NHS: variants seen among roughly 807,000 people sequenced by gnomAD.
NHS encodes the protein NHS actin remodeling regulator.
A neutral mutation model predicts 72.5 loss-of-function variants in NHS; 5 were observed. That is an observed-to-expected ratio of 0.07 (90% CI 0.04 to 0.14). The LOEUF (loss-of-function observed/expected upper bound fraction) is 0.14. Among genes scored for constraint, NHS ranks in the 10% least tolerant of loss-of-function variants. The pLI, the probability that NHS is intolerant of heterozygous loss-of-function variation, is 1.00. For synonymous variants in NHS, 464 were observed against 547.7 expected (o/e 0.85, Z 2.13); for missense variants, 1,072 against 1,355.7 (o/e 0.79, Z 3.29).
intron 1 of NHS, chrX:17,557,090 TTTG>T (rs1443007949): frequency 9.8e-6 from 1 of 101,800 alleles, no homozygotes. Context: ...TACAAAGCTA[TTTG>T]TTGTTAAGGG....
At chrX:17,549,896 C>A (rs112973057) in intron 1 of NHS, among the ~76,000 whole-genome samples, 147 of 111,411 alleles carry the variant, frequency 1.3e-3, no homozygotes, top group Non-Finnish European at 2.5e-3. Flanking sequence ...GGGACTTGAA[C>A]AGGCCCCTTG....
intron 1 of NHS, among the ~76,000 whole-genome samples, chrX:17,420,162 G>A (rs2064616318): frequency 8.9e-6 from 1 of 111,923 alleles, no homozygotes; most frequent in South Asian, 3.7e-4. Flanking sequence ...CTGACTCTGA[G>A]AAATGTCATA....
chrX:17,615,163 A>ATATATACACG (rs1569294065), intron 1 of NHS, among the ~76,000 whole-genome samples: 67 of 42,382 alleles, frequency 1.6e-3, no homozygotes, highest in African/African-American at 4.4e-3. Flanking sequence ...TATATATACT[A>ATATATACACG]TATATATACG....
Position 17,680,838 on chromosome X carries a change from A to G in NHS, c.566-6904A>G, listed in dbSNP as rs760318894. Among the ~76,000 whole-genome samples the G allele has an allele frequency of 9.8e-5, 11 of 112,244 alleles. No individual in the cohort carries two copies. In the South Asian group the frequency reaches 2.6e-3, roughly 27 times the overall value. ...TGCCTAAAGGAATTTTCTTAAAACA[A>G]TAGCTGAGCTGTGACAGATGACTAT... On this transcript the variant is annotated intron_variant, in intron 1 of 8. Transcript: ENST00000676302.
chrX:17,673,469 G>C (rs1862481211), intron 1 of NHS, among the ~76,000 whole-genome samples: 1 of 111,461 alleles, frequency 9.0e-6, no homozygotes. Context: ...CTGCCTCTAT[G>C]GCCCTCGAGC....
intron 1 of NHS, among the ~76,000 whole-genome samples, chrX:17,484,854 T>C (rs1360513391): frequency 1.8e-5 from 2 of 110,588 alleles, no homozygotes; most frequent in African/African-American, 6.6e-5. Flanking sequence ...TACCTAGCCC[T>C]GGGAGGTGCA....
At position 17,726,109 on chromosome X, in the gene NHS, C is replaced by T; in HGVS notation, c.2003C>T (p.Ser668Leu). The T allele has an allele frequency of 8.3e-7, 1 of 1,211,981 alleles. No homozygotes were observed. Among genetic ancestry groups the T allele is most frequent in the South Asian group, 1.8e-5 (1 of 56,996 alleles). The change falls in exon 7 of 9, where the codon TCA becomes TTA. Residue 668 changes from serine (S) to leucine (L), a missense_variant. Ser to Leu is a moderately radical substitution (Grantham distance 145). Coordinates refer to ENST00000676302, the MANE Select transcript of NHS (RefSeq NM_001291867.2). ...TCTTCACACTGTGACTCGGAGTTGT[C>T]ACTAAACACAGCCCCTCATGCCAAT... ...TGSSHCDSEL[S>L]LNTAPHANED...
intron 1 of NHS, among the ~76,000 whole-genome samples, chrX:17,459,009 T>G (rs1341673925): frequency 8.9e-6 from 1 of 112,513 alleles, no homozygotes; most frequent in Admixed American, 9.3e-5. Flanking sequence ...CCCAGGAATT[T>G]GTGTTTTAGC....
At chrX:17,557,089 A>G (rs761480951) in intron 1 of NHS, 3 of 100,616 alleles carry the variant, frequency 3.0e-5, no homozygotes, top group South Asian at 9.5e-4. Context: ...ATACAAAGCT[A>G]TTTGTTGTTA....
At position 17,725,654 on chromosome X, in the gene NHS, T is replaced by C; in HGVS notation, c.1548T>C (p.Asp516=). 1 of 1,211,520 alleles carries C rather than the reference T, an allele frequency of 8.3e-7. No individual in the cohort carries two copies. Among genetic ancestry groups the C allele is most frequent in the Non-Finnish European group, 1.1e-6 (1 of 895,510 alleles). Residue 516 remains aspartate (D), a synonymous_variant, in exon 7 of 9, where the codon GAT becomes GAC. Coordinates refer to ENST00000676302, the MANE Select transcript of NHS (RefSeq NM_001291867.2). The part of the protein sequence containing the change: ...SLPREGNRGG[D]AEPKVGAKPS... ...CCCGGGAAGGTAATAGAGGTGGGGATGCTGAGCCCAAAGTTGGCGCTAAAC... is the reference window on the plus strand; with the variant it reads ...CCCGGGAAGGTAATAGAGGTGGGGACGCTGAGCCCAAAGTTGGCGCTAAAC...
chrX:17,536,910 G>C (rs1248523430), intron 1 of NHS, among the ~76,000 whole-genome samples: 1 of 112,064 alleles, frequency 8.9e-6, no homozygotes. Flanking sequence ...GGCTTTTATG[G>C]TGTATGGTGA....
At chrX:17,682,404 C>T (rs776299643) in intron 1 of NHS, among the ~76,000 whole-genome samples, 2 of 111,352 alleles carry the variant, frequency 1.8e-5, no homozygotes, top group African/African-American at 3.3e-5. Context: ...CATGGGGCAC[C>T]AGAACGGATG....
At chrX:17,395,180 A>G (rs776969737) in intron 1 of NHS, among the ~76,000 whole-genome samples, 167 of 101,454 alleles carry the variant, frequency 1.6e-3, no homozygotes, top group African/African-American at 6.1e-3. Context: ...AGAGGCAAAG[A>G]AAAAAAAAAA....
Position 17,412,343 on chromosome X carries a change from C to G in NHS, c.565+36021C>G, listed in dbSNP as rs766824090. ...GGTGCAGTGGCTCATGCCTGTAATC[C>G]CAGCACTTTGGGAGGTCGAGGCCGG... On this transcript the variant is annotated intron_variant, in intron 1 of 8. Coordinates refer to ENST00000676302, the MANE Select transcript of NHS (RefSeq NM_001291867.2). Among the ~76,000 whole-genome samples, 114 of 110,647 alleles carry G rather than the reference C, an allele frequency of 1.0e-3. 1 individual carries two copies. In the Middle Eastern group the frequency reaches 0.019, roughly 18 times the overall value.
At chrX:17,691,661 G>GT (rs1415786626) in intron 2 of NHS, among the ~76,000 whole-genome samples, 2 of 111,823 alleles carry the variant, frequency 1.8e-5, no homozygotes, top group Non-Finnish European at 3.8e-5. Context: ...CATTGGGCAG[G>GT]CCTGTCAGAA....
intron 1 of NHS, among the ~76,000 whole-genome samples, chrX:17,393,957 C>T (rs1384709692): frequency 3.6e-5 from 4 of 111,466 alleles, no homozygotes; most frequent in Admixed American, 9.5e-5. Flanking sequence ...TCCCTGACTC[C>T]GTTGCTGAGT....
intron 1 of NHS, among the ~76,000 whole-genome samples, chrX:17,608,685 TG>T (rs201442682): frequency 6.4e-4 from 70 of 109,401 alleles, no homozygotes; most frequent in African/African-American, 2.1e-3. Flanking sequence ...TTTTTTTTTT[TG>T]GGGGGATATA....
intron 1 of NHS, among the ~76,000 whole-genome samples, chrX:17,514,488 G>A (rs1410613496): frequency 2.7e-5 from 3 of 111,985 alleles, no homozygotes; most frequent in African/African-American, 9.7e-5. Flanking sequence ...AGGGGCTCTC[G>A]GGCCTTTGGC....
At chrX:17,546,186 T>C (rs1224226677) in intron 1 of NHS, among the ~76,000 whole-genome samples, 2 of 111,680 alleles carry the variant, frequency 1.8e-5, no homozygotes, top group Non-Finnish European at 3.8e-5. Flanking sequence ...TGGGGCCAAT[T>C]GCCACTGCCT....
Sources: allele counts gnomAD v4.1 joint callset (sites outside exome capture counted in the v4.1 genomes callset), GRCh38; gene constraint gnomAD v4.1.1; transcripts MANE v1.5; gene names NCBI Gene and HGNC (gene_info 2026-07-23, HGNC 2026-07-21).